Variants in ZRANB3 observed in about 807,000 individuals in gnomAD.
ZRANB3 encodes the protein DNA annealing helicase and endonuclease ZRANB3.
ZRANB3 carries 125 observed loss-of-function variants against 133.8 expected under a neutral mutation model. That is an observed-to-expected ratio of 0.93 (90% CI 0.81 to 1.08). The LOEUF is 1.08. Ranked by LOEUF, ZRANB3 falls within the 50% of genes least tolerant of loss-of-function variation. ZRANB3 has a pLI of 0.00. For missense variants in ZRANB3, 1,229 were observed against 1,275.5 expected (o/e 0.96, Z 0.56); for synonymous variants, 387 against 432.7 (o/e 0.89, Z 1.31).
At chr2:135,330,315 G>A (rs1684074020) in intron 6 of ZRANB3, among the ~76,000 whole-genome samples, 1 of 152,164 alleles carries the variant, frequency 6.6e-6, no homozygotes, top group Non-Finnish European at 1.5e-5. Context: ...AGATAATCAT[G>A]TGGCTTTTGT....
chr2:135,433,747 G>A (rs1002404250), intron 2 of ZRANB3, among the ~76,000 whole-genome samples: 10 of 151,996 alleles, frequency 6.6e-5, no homozygotes, highest in Admixed American at 2.0e-4. Flanking sequence ...CTGTAATACC[G>A]GCACTTTGGG....
chr2:135,287,504 C>T (rs1430756660), intron 8 of ZRANB3, among the ~76,000 whole-genome samples: 2 of 151,930 alleles, frequency 1.3e-5, no homozygotes, highest in Admixed American at 1.3e-4. Context: ...TTGTTGATTG[C>T]TTTTGGCCAT....
At chr2:135,267,842 C>G (rs565970768) in intron 11 of ZRANB3, among the ~76,000 whole-genome samples, 124 of 152,180 alleles carry the variant, frequency 8.1e-4, no homozygotes, top group African/African-American at 2.7e-3. Flanking sequence ...AATCCTAACT[C>G]CCAATGTTGA....
chr2:135,362,291 G>A (rs1173122224), intron 3 of ZRANB3, among the ~76,000 whole-genome samples: 1 of 152,056 alleles, frequency 6.6e-6, no homozygotes, highest in East Asian at 1.9e-4. Context: ...CAGACCATAT[G>A]GGTATGCACA....
intron 2 of ZRANB3, among the ~76,000 whole-genome samples, chr2:135,407,508 T>C (rs1688096164): frequency 6.9e-6 from 1 of 145,706 alleles, no homozygotes; most frequent in Admixed American, 6.7e-5. Flanking sequence ...AGAGCCCGCA[T>C]CGCCAAGTCA....
chr2:135,414,460 C>A (rs1418567994), intron 2 of ZRANB3, among the ~76,000 whole-genome samples: 1 of 152,052 alleles, frequency 6.6e-6, no homozygotes, highest in Non-Finnish European at 1.5e-5. Flanking sequence ...AAAGCGAGTC[C>A]TGAGTGACCT....
intron 3 of ZRANB3, among the ~76,000 whole-genome samples, chr2:135,390,153 A>G (rs1240378349): frequency 6.6e-6 from 1 of 152,140 alleles, no homozygotes; most frequent in African/African-American, 2.4e-5. Context: ...TGTTGGGATT[A>G]CAGGCGTGAG....
At chr2:135,276,879 G>A (rs1680850166) in intron 8 of ZRANB3, among the ~76,000 whole-genome samples, 2 of 152,198 alleles carry the variant, frequency 1.3e-5, no homozygotes, top group Non-Finnish European at 2.9e-5. Flanking sequence ...ATGGGGGGTA[G>A]GAGTGTGGTT....
intron 19 of ZRANB3, among the ~76,000 whole-genome samples, chr2:135,205,510 G>A (rs1398511995): frequency 3.9e-5 from 6 of 152,014 alleles, no homozygotes; most frequent in African/African-American, 7.3e-5. Context: ...TACCATACCC[G>A]GCTAATTGTT....
Position 135,286,848 on chromosome 2 carries a change from G to A in ZRANB3, c.967-11093C>T, listed in dbSNP as rs544604211. Among the ~76,000 whole-genome samples the A allele has an allele frequency of 6.6e-5, 10 of 152,246 alleles. No individual in the cohort carries two copies. The East Asian group carries it at 1.7e-3, about 26-fold the overall frequency. On this transcript the variant is annotated intron_variant, in intron 8 of 20. Coordinates refer to ENST00000264159, the MANE Select transcript of ZRANB3 (RefSeq NM_032143.4). ...CTTTGTTGGAGGCATAGTTTGTGAA[G>A]ATTTTCTCCCACTCTGTGGGTTGTC...
At chr2:135,212,085 T>C (rs1384391954) in intron 17 of ZRANB3, among the ~76,000 whole-genome samples, 2 of 152,210 alleles carry the variant, frequency 1.3e-5, no homozygotes, top group Non-Finnish European at 2.9e-5. Context: ...ATTTTAAAAT[T>C]TGCATTCCTA....
chr2:135,285,608 T>C (rs1681317897), intron 8 of ZRANB3, among the ~76,000 whole-genome samples: 3 of 152,252 alleles, frequency 2.0e-5, no homozygotes, highest in Non-Finnish European at 4.4e-5. Flanking sequence ...AAAACGTGTT[T>C]AAAGTAATTT....
intron 8 of ZRANB3, among the ~76,000 whole-genome samples, chr2:135,302,579 G>A (rs1288828342): frequency 1.3e-5 from 2 of 150,504 alleles, no homozygotes; most frequent in Non-Finnish European, 1.5e-5. Context: ...AGGTTGGAGT[G>A]CAGTGGCACC....
In ZRANB3 at chr2:135,418,581, T is replaced by C. The variant is rs939537285; in HGVS notation, c.162-27761A>G. ...CTATTAAGTTTGGATCTGGAGCATA[T>C]GCTAAGAGCCAAATGTACACATTTA... On this transcript the variant is annotated intron_variant, in intron 2 of 20. Coordinates refer to ENST00000264159, the MANE Select transcript of ZRANB3 (RefSeq NM_032143.4). Among the ~76,000 whole-genome samples, 3 of 152,196 alleles carry C rather than the reference T, an allele frequency of 2.0e-5. No individual in the cohort carries two copies. The East Asian group carries it at 5.8e-4, about 29-fold the overall frequency.
intron 8 of ZRANB3, among the ~76,000 whole-genome samples, chr2:135,289,882 G>A (rs1681598144): frequency 6.6e-6 from 1 of 152,160 alleles, no homozygotes; most frequent in African/African-American, 2.4e-5. Flanking sequence ...CAGTGTGGGT[G>A]ACAAAGTGAG....
chr2:135,254,087 A>G (rs1679534712), intron 12 of ZRANB3, among the ~76,000 whole-genome samples: 1 of 152,306 alleles, frequency 6.6e-6, no homozygotes, highest in African/African-American at 2.4e-5. Context: ...ATGTGCCCTA[A>G]GCTCACATAT....
chr2:135,364,821 C>G (rs901321104), intron 3 of ZRANB3, among the ~76,000 whole-genome samples: 2 of 151,362 alleles, frequency 1.3e-5, no homozygotes, highest in Non-Finnish European at 2.9e-5. Context: ...GAGGCCGAGG[C>G]GGGCAGATCA....
At chr2:135,521,999 T>C (rs1043285817) in intron 1 of ZRANB3, among the ~76,000 whole-genome samples, 4 of 152,134 alleles carry the variant, frequency 2.6e-5, no homozygotes, top group African/African-American at 9.7e-5. Context: ...TTCATGTCTT[T>C]ATGCTCCTAG....
chr2:135,529,286 T>G (rs1259296750), intron 1 of ZRANB3, among the ~76,000 whole-genome samples: 4 of 152,202 alleles, frequency 2.6e-5, no homozygotes, highest in Admixed American at 6.5e-5. Flanking sequence ...AACTTGTATC[T>G]TCTTTATTCA....
Sources: allele counts gnomAD v4.1 joint callset (sites outside exome capture counted in the v4.1 genomes callset), GRCh38; gene constraint gnomAD v4.1.1; transcripts MANE v1.5; gene names NCBI Gene and HGNC (gene_info 2026-07-23, HGNC 2026-07-21).